The following SEC31A variants were observed in gnomAD, a reference collection of about 807,000 sequenced individuals.
The protein encoded by SEC31A is SEC31 homolog A, COPII component.
SEC31A carries 70 observed loss-of-function variants against 151.0 expected under a neutral mutation model. That is an observed-to-expected ratio of 0.46 (90% confidence interval 0.38 to 0.57). SEC31A has a LOEUF of 0.57. Among genes scored for constraint, SEC31A ranks in the 20% least tolerant of loss-of-function variants. The pLI is 0.00. For missense variants in SEC31A, 1,330 were observed against 1,471.2 expected (o/e 0.90, Z 1.57); for synonymous variants, 475 against 505.9 (o/e 0.94, Z 0.82).
chr4:82,888,763 C>G (rs957404672), intron 1 of SEC31A, among the ~76,000 whole-genome samples: 3 of 151,822 alleles, frequency 2.0e-5, no homozygotes, highest in African/African-American at 7.3e-5. Context: ...ATTTTTCATG[C>G]AACTTTCTCT....
chr4:82,824,232 G>C (rs1172678901), intron 25 of SEC31A, among the ~76,000 whole-genome samples: 2 of 152,096 alleles, frequency 1.3e-5, no homozygotes, highest in Non-Finnish European at 2.9e-5. Context: ...TTTTGAGACG[G>C]AGTCTCTGTC....
rs1560602823 is a variant in SEC31A, at chr4:82,842,182, T to TACCTGTTGTTCCAGGAGGCAGTGC, written c.2902_2925dup (p.Ala968_Gly975dup). The TACCTGTTGTTCCAGGAGGCAGTGC allele has an allele frequency of 6.3e-7, 1 of 1,593,452 alleles. No individual in the cohort carries two copies. The highest frequency in any genetic ancestry group is 8.6e-7 in the Non-Finnish European group (1 of 1,168,196). The stretch of plus-strand genomic sequence containing the variant: ...GGCAGCTCACTGGCAGCAGGCAGTG[T>TACCTGTTGTTCCAGGAGGCAGTGC]ACCTGTTGTTCCAGGAGGCAGTGCA... On this transcript the variant is annotated inframe_insertion, in exon 22 of 27. Coordinates refer to ENST00000395310, the MANE Select transcript of SEC31A (RefSeq NM_001077207.4).
intron 24 of SEC31A, among the ~76,000 whole-genome samples, chr4:82,826,774 C>A (rs776660598): frequency 8.5e-5 from 13 of 152,202 alleles, no homozygotes; most frequent in Non-Finnish European, 1.8e-4. Flanking sequence ...TTTACTTGGG[C>A]AGGAGCTTGT....
intron 20 of SEC31A, among the ~76,000 whole-genome samples, chr4:82,847,980 C>T (rs758473890): frequency 2.6e-5 from 4 of 152,040 alleles, no homozygotes; most frequent in Non-Finnish European, 4.4e-5. Flanking sequence ...TTTATATTTA[C>T]TTTTGCTATA....
At chr4:82,840,480 A>C (rs554056466) in intron 22 of SEC31A, among the ~76,000 whole-genome samples, 1 of 152,340 alleles carries the variant, frequency 6.6e-6, no homozygotes, top group African/African-American at 2.4e-5. Flanking sequence ...CTGGAATCTT[A>C]TTTGTGTAGT....
At chr4:82,891,263 C>T, upstream of SEC31A, 2 of 1,285,592 alleles carry the variant, frequency 1.6e-6, no homozygotes, top group Non-Finnish European at 2.1e-6. Context: ...GACATCTTTC[C>T]CCGCCCACCC....
At position 82,864,457 on chromosome 4, in the gene SEC31A, G is replaced by A; in HGVS notation, c.1339C>T (p.Gln447Ter). Residue 447 changes from glutamine (Q) to a stop codon, truncating the protein, a stop_gained, in exon 11 of 27, where the codon CAG (glutamine) becomes TAG (stop). Coordinates refer to ENST00000395310, the MANE Select transcript of SEC31A (RefSeq NM_001077207.4). LOFTEE classifies it high-confidence loss of function. The part of the protein sequence containing the change: ...EFLSRSDQLQ[Q>*]AVQSQGFINY... ...ATAAATCCTTGTGACTGCACAGCCT[G>A]CTGAAGTTGGTCTGATCGGCTGAGG... The A allele has an allele frequency of 1.2e-6, 2 of 1,614,102 alleles. No individual in the cohort carries two copies. The highest frequency in any genetic ancestry group is 1.7e-6 in the Non-Finnish European group (2 of 1,179,994).
intron 4 of SEC31A, among the ~76,000 whole-genome samples, chr4:82,876,488 A>AC (rs1737993074): frequency 1.3e-5 from 2 of 152,248 alleles, no homozygotes; most frequent in Non-Finnish European, 2.9e-5. Context: ...AGATTTAATT[A>AC]TAAGATTAAA....
intron 26 of SEC31A, among the ~76,000 whole-genome samples, chr4:82,820,020 C>CT (rs1722973113): frequency 5.9e-5 from 9 of 152,232 alleles, no homozygotes; most frequent in Non-Finnish European, 1.0e-4. Flanking sequence ...CCTCAGCCTC[C>CT]CAAAGTGCTG....
At chr4:82,855,348 T>C (rs1732398706) in intron 16 of SEC31A, among the ~76,000 whole-genome samples, 3 of 152,122 alleles carry the variant, frequency 2.0e-5, no homozygotes, top group Admixed American at 1.3e-4. Context: ...ACACGTGATC[T>C]GAAGGACAAG....
At chr4:82,822,221 C>A (rs1412495203) in intron 25 of SEC31A, among the ~76,000 whole-genome samples, 1 of 151,912 alleles carries the variant, frequency 6.6e-6, no homozygotes, top group Admixed American at 6.6e-5. Flanking sequence ...TCATATCCCA[C>A]TGGGTGAGAA....
intron 6 of SEC31A, among the ~76,000 whole-genome samples, chr4:82,872,306 C>T (rs1736886098): frequency 6.6e-6 from 1 of 152,174 alleles, no homozygotes; most frequent in Non-Finnish European, 1.5e-5. Flanking sequence ...CCTCCTGCCT[C>T]AGCCTCCTGA....
At position 82,827,933 on chromosome 4, in the gene SEC31A, G is replaced by A. The variant is rs563405415; in HGVS notation, c.3028-301C>T. Among the ~76,000 whole-genome samples the A allele has an allele frequency of 4.7e-5, 6 of 128,892 alleles. No individual in the cohort carries two copies. The East Asian group carries it at 1.3e-3, about 29-fold the overall frequency. The allele number at this position is 128,892 out of a possible 152,430, so 84.6% of individuals were successfully genotyped here. A position where few individuals can be genotyped will look rare whatever the true frequency, so the allele number is the denominator to read the frequency against. ...AAAACCATGGCTTTTTTTTTTTTTTGAGATAGAGTCCCGCTCTGTCGCCCA... is the reference window on the plus strand; with the variant it reads ...AAAACCATGGCTTTTTTTTTTTTTTAAGATAGAGTCCCGCTCTGTCGCCCA... On this transcript the variant is annotated intron_variant, in intron 23 of 26. Transcript: ENST00000395310.
At chr4:82,845,471 C>A (rs1729863449) in intron 20 of SEC31A, among the ~76,000 whole-genome samples, 1 of 151,754 alleles carries the variant, frequency 6.6e-6, no homozygotes, top group African/African-American at 2.4e-5. Context: ...AAAAACAAAA[C>A]AAAACAACAA....
intron 16 of SEC31A, 83 bp from the exon 17 acceptor site, chr4:82,855,112 T>C: frequency 9.4e-6 from 11 of 1,168,580 alleles, no homozygotes; most frequent in Non-Finnish European, 1.3e-5. Context: ...TTGTGTCAAG[T>C]ATTTCATGCC....
intron 1 of SEC31A, among the ~76,000 whole-genome samples, chr4:82,883,440 T>C (rs1055950780): frequency 7.2e-5 from 11 of 152,186 alleles, no homozygotes; most frequent in Non-Finnish European, 1.5e-4. Context: ...TCTATGGCAA[T>C]TGTGCCTTTT....
At chr4:82,864,923 C>T (rs1304346272) in intron 10 of SEC31A, among the ~76,000 whole-genome samples, 3 of 151,964 alleles carry the variant, frequency 2.0e-5, no homozygotes, top group Admixed American at 6.6e-5. Flanking sequence ...TTACAGGTGC[C>T]GGCCACCATG....
At chr4:82,838,935 C>T (rs1022586142) in intron 22 of SEC31A, among the ~76,000 whole-genome samples, 1 of 152,178 alleles carries the variant, frequency 6.6e-6, no homozygotes, top group African/African-American at 2.4e-5. Context: ...AAATCCTAAA[C>T]AAAATTGTTA....
chr4:82,875,923 AT>A (rs1318956207), intron 4 of SEC31A, 101 bp from the exon 5 acceptor site: 1 of 523,430 alleles, frequency 1.9e-6, no homozygotes, highest in Non-Finnish European at 3.3e-6. Context: ...AGCATACACA[AT>A]TTTTCTATTT....
Sources: gnomAD v4.1 joint callset for allele counts (sites outside exome capture counted in the v4.1 genomes callset) on GRCh38, gnomAD v4.1.1 for gene constraint, MANE v1.5 for transcripts, NCBI Gene and HGNC (gene_info 2026-07-23, HGNC 2026-07-21) for gene names.